Variants in PIK3C2B observed in about 807,000 individuals in gnomAD.
PIK3C2B encodes phosphatidylinositol 4-phosphate 3-kinase C2 domain-containing subunit beta.
A neutral mutation model predicts 184.3 loss-of-function variants in PIK3C2B; 83 were observed. That is an observed-to-expected ratio of 0.45 (90% CI 0.38 to 0.54). The LOEUF is 0.54. Ranked by LOEUF, PIK3C2B falls within the 20% of genes least tolerant of loss-of-function variation. PIK3C2B has a pLI of 0.00. For missense variants in PIK3C2B, 1,736 were observed against 2,113.5 expected (o/e 0.82, Z 3.50); for synonymous variants, 779 against 837.6 (o/e 0.93, Z 1.21).
chr1:204,425,215 G>A (rs1674682873), intron 32 of PIK3C2B, among the ~76,000 whole-genome samples, 175 bp from the exon 33 acceptor site: 1 of 152,158 alleles, frequency 6.6e-6, no homozygotes, highest in Admixed American at 6.5e-5. Context: ...GACTCCAAGG[G>A]AAGCATTAAT....
chr1:204,456,961 G>A, intron 10 of PIK3C2B, 76 bp downstream of exon 10: 1 of 1,237,940 alleles, frequency 8.1e-7, no homozygotes, highest in African/African-American at 1.5e-5. Flanking sequence ...AGGGGCCCAG[G>A]CAGAAAAAGG....
Position 204,449,293 on chromosome 1 carries a change from G to T in PIK3C2B, c.2238C>A (p.Val746=), listed in dbSNP as rs775306132. The change falls in exon 14 of 33, where the codon GTC becomes GTA. Residue 746 remains valine, a synonymous_variant. Coordinates refer to ENST00000684373, the MANE Select transcript of PIK3C2B (RefSeq NM_001377334.1). The stretch of plus-strand genomic sequence containing the variant: ...CCAGAAGCTTCCGGCCACAGGTCAG[G>T]ACCCTAAGAAGGAGGGAGAGTGGGA... ...VTTPLFNFRQ[V]LTCGRKLLGL... is the part of the protein sequence containing the mutation. 1 of 1,608,338 alleles carries T rather than the reference G, an allele frequency of 6.2e-7. No homozygotes were observed. Among genetic ancestry groups the T allele is most frequent in the African/African-American group, 1.3e-5 (1 of 74,972 alleles).
rs200842742 is a variant in PIK3C2B, at chr1:204,459,972, G to A, written c.1503-31C>T. On this transcript the variant is annotated intron_variant, in intron 7 of 32. Transcript: ENST00000684373. ...AGTTGGGGGCAGGGAAAAACCACAG[G>A]AGAGGTCATGAAAGACCCAGTGCCC... The A allele has an allele frequency of 6.1e-5, 98 of 1,595,812 alleles. No homozygotes were observed. In the African/African-American group the frequency reaches 1.2e-3, roughly 20 times the overall value.
At chr1:204,439,115 G>T in intron 22 of PIK3C2B, 44 bp from the exon 23 acceptor site, 1 of 1,598,482 alleles carries the variant, frequency 6.3e-7, no homozygotes, top group East Asian at 2.2e-5. Context: ...CCAGAATGAA[G>T]GGGACTGCAG....
chr1:204,454,572 T>C (rs1416448413), intron 12 of PIK3C2B, 97 bp downstream of exon 12: 1 of 1,262,932 alleles, frequency 7.9e-7, no homozygotes, highest in Non-Finnish European at 1.1e-6. Context: ...CCTGGTTTTA[T>C]CATTAGTCCT....
chr1:204,465,131 T>C (rs1293538299), intron 3 of PIK3C2B, 88 bp downstream of exon 3: 2 of 784,180 alleles, frequency 2.6e-6, no homozygotes, highest in Non-Finnish European at 4.6e-6. Context: ...TGGTGCTTCT[T>C]CCCTCCTAAA....
rs1273153354 is a variant in PIK3C2B at position 204,443,547 on chromosome 1, T to C, written c.2918A>G (p.Tyr973Cys). ...GCAGCACAGTAAGGCTGCCAGCAGA[T>C]ACTGGTAGCGGATGCTGAACTGAGA... The part of the protein sequence containing the change: ...KDSQFSIRYQ[Y>C]LLAALLCCCG... Residue 973 changes from tyrosine (Y) to cysteine (C), a missense_variant, in exon 19 of 33, where the codon TAT (tyrosine) becomes TGT (cysteine). By Grantham distance (194) the Tyr-to-Cys change is radical. Transcript: ENST00000684373. 6.2e-7 allele frequency: 1 copy of C among 1,614,088 alleles called. No individual in the cohort carries two copies. The highest frequency in any genetic ancestry group is 8.5e-7 in the Non-Finnish European group (1 of 1,180,040).
intron 15 of PIK3C2B, among the ~76,000 whole-genome samples, 166 bp from the exon 16 acceptor site, chr1:204,446,310 T>C (rs1653859724): frequency 6.6e-6 from 1 of 152,134 alleles, no homozygotes; most frequent in Non-Finnish European, 1.5e-5. Context: ...AGGGGCTGAG[T>C]GAACCCCCTC....
intron 5 of PIK3C2B, 79 bp from the exon 6 acceptor site, chr1:204,460,740 G>A: frequency 1.1e-6 from 1 of 886,576 alleles, no homozygotes; most frequent in Non-Finnish European, 1.9e-6. Flanking sequence ...GCCTTGGGGA[G>A]AGACATACAG....
chr1:204,440,128 A>C, intron 22 of PIK3C2B, 64 bp downstream of exon 22: 1 of 1,511,310 alleles, frequency 6.6e-7, no homozygotes, highest in Non-Finnish European at 9.0e-7. Context: ...TGTGTTGGCA[A>C]TGGGCAGAAG....
intron 1 of PIK3C2B, among the ~76,000 whole-genome samples, chr1:204,478,430 G>A (rs112920701): frequency 1.1e-3 from 173 of 152,310 alleles, no homozygotes; most frequent in South Asian, 6.4e-3. Context: ...CAAGCAAGCC[G>A]GCTCCCCCAG....
At chr1:204,462,972 G>A (rs112587305) in intron 5 of PIK3C2B, among the ~76,000 whole-genome samples, 2 of 152,280 alleles carry the variant, frequency 1.3e-5, no homozygotes, top group African/African-American at 4.8e-5. Flanking sequence ...CATGAGAATC[G>A]CTTGAGCCTG....
intron 31 of PIK3C2B, 39 bp from the exon 32 acceptor site, chr1:204,425,780 T>A: frequency 1.3e-6 from 2 of 1,597,652 alleles, no homozygotes; most frequent in Non-Finnish European, 1.7e-6. Flanking sequence ...TTAAGATTTT[T>A]AACATCTGTC....
At chr1:204,462,464 C>T (rs992548301) in intron 5 of PIK3C2B, among the ~76,000 whole-genome samples, 1 of 152,200 alleles carries the variant, frequency 6.6e-6, no homozygotes, top group Non-Finnish European at 1.5e-5. Flanking sequence ...GTGGCAAGTC[C>T]GAATTCAAAC....
intron 1 of PIK3C2B, among the ~76,000 whole-genome samples, chr1:204,475,190 T>G (rs1362088516): frequency 6.6e-6 from 1 of 152,168 alleles, no homozygotes; most frequent in African/African-American, 2.4e-5. Context: ...CCTAAGATAT[T>G]TCAAAGGCTC....
intron 4 of PIK3C2B, 101 bp downstream of exon 4, chr1:204,464,349 T>C: frequency 1.6e-6 from 2 of 1,274,300 alleles, no homozygotes; most frequent in Non-Finnish European, 2.2e-6. Context: ...CTCACTGCCC[T>C]TCATCTGGGC....
chr1:204,460,540 TCACA>T lies in PIK3C2B; in HGVS notation c.1422+6_1422+9del. 2 of 1,609,362 alleles carry T rather than the reference TCACA, an allele frequency of 1.2e-6. No individual in the cohort carries two copies. The highest frequency in any genetic ancestry group is 1.7e-6 in the Non-Finnish European group (2 of 1,175,824). ...AGCCCTGGGCAACCCTCCACCACCCTCACACGAACCGTCCGGGCCAGGTCACTGC... is the reference window on the plus strand; with the variant it reads ...AGCCCTGGGCAACCCTCCACCACCCTCGAACCGTCCGGGCCAGGTCACTGC... On this transcript the variant is annotated splice_donor_region_variant and intron_variant, in intron 6 of 32. Coordinates refer to ENST00000684373, the MANE Select transcript of PIK3C2B (RefSeq NM_001377334.1).
intron 1 of PIK3C2B, among the ~76,000 whole-genome samples, chr1:204,474,094 C>T (rs182606657): frequency 6.8e-6 from 1 of 146,924 alleles, no homozygotes; most frequent in Admixed American, 7.2e-5. Flanking sequence ...CGGGTTCAAG[C>T]GATTCTCCTG....
chr1:204,437,248 A>T (rs1297051024), intron 23 of PIK3C2B, among the ~76,000 whole-genome samples: 2 of 151,956 alleles, frequency 1.3e-5, no homozygotes, highest in Admixed American at 1.3e-4. Flanking sequence ...TAATCCCAGC[A>T]CTATGGGAGG....
Sources: allele counts gnomAD v4.1 joint callset (sites outside exome capture counted in the v4.1 genomes callset), GRCh38; gene constraint gnomAD v4.1.1; transcripts MANE v1.5; gene names NCBI Gene and HGNC (gene_info 2026-07-23, HGNC 2026-07-21).